CRACD: variants seen among roughly 807,000 people sequenced by gnomAD.
The protein encoded by CRACD is capping protein-inhibiting regulator of actin dynamics.
In CRACD, 56 loss-of-function variants were observed where a neutral mutation model predicts 106.8. The ratio of observed to expected loss-of-function variants is 0.52; its 90% CI spans 0.42 to 0.66. The LOEUF is 0.66. Ranked by LOEUF, CRACD falls within the 30% of genes least tolerant of loss-of-function variation. CRACD has a pLI of 0.00. For missense variants in CRACD, 1,730 were observed against 1,623.2 expected (o/e 1.07, Z -1.13); for synonymous variants, 754 against 670.8 (o/e 1.12, Z -1.92).
At chr4:56,074,298 T>C (rs547799881) in intron 1 of CRACD, among the ~76,000 whole-genome samples, 25 of 152,302 alleles carry the variant, frequency 1.6e-4, no homozygotes, top group Non-Finnish European at 2.9e-4. Context: ...TTTCACGATA[T>C]TGATTCTTCC....
At chr4:56,200,761 TA>T (rs1425063000) in intron 2 of CRACD, among the ~76,000 whole-genome samples, 1 of 152,180 alleles carries the variant, frequency 6.6e-6, no homozygotes, top group Admixed American at 6.5e-5. Flanking sequence ...AAAGTTCGCC[TA>T]AACCCTCTGC....
intron 2 of CRACD, among the ~76,000 whole-genome samples, chr4:56,251,096 A>G (rs1262273122): frequency 6.6e-6 from 1 of 152,194 alleles, no homozygotes; most frequent in African/African-American, 2.4e-5. Context: ...TCTTTTACTT[A>G]ATACCCTGAT....
chr4:56,091,307 C>T (rs2109820507), intron 1 of CRACD, among the ~76,000 whole-genome samples: 1 of 152,000 alleles, frequency 6.6e-6, no homozygotes, highest in South Asian at 2.1e-4. Context: ...TTCAGACACC[C>T]AGAGTGCTGT....
At position 56,316,285 on chromosome 4, in the gene CRACD, C is replaced by G. The variant is rs984566977; in HGVS notation, c.2783C>G (p.Ser928Cys). ...TCCGCTGAACCTTCCAGCAGCCGCT[C>G]TGTTCCTGTGGCCCACCCTGGGCCT... ...RDSAEPSSSR[S>C]VPVAHPGPPP... Residue 928 changes from serine to cysteine, a missense_variant, in exon 8 of 11, where the codon TCT becomes TGT. Ser to Cys is a moderately radical substitution (Grantham distance 112). Coordinates refer to ENST00000682029, the MANE Select transcript of CRACD (RefSeq NM_001393381.1). 3.1e-6 allele frequency: 5 copies of G among 1,614,002 alleles called. No homozygotes were observed. Among genetic ancestry groups the G allele is most frequent in the Non-Finnish European group, 4.2e-6 (5 of 1,179,882 alleles).
chr4:56,057,798 T>TA (rs1732129682), intron 1 of CRACD, among the ~76,000 whole-genome samples: 1 of 109,930 alleles, frequency 9.1e-6, no homozygotes, highest in African/African-American at 4.8e-5. Context: ...TCATTTTTTG[T>TA]ATTTTTTTTT....
intron 1 of CRACD, among the ~76,000 whole-genome samples, chr4:56,096,974 G>A (rs1733619223): frequency 6.6e-6 from 1 of 152,180 alleles, no homozygotes; most frequent in Admixed American, 6.5e-5. Context: ...ATTTGCTAGT[G>A]GTTGCTTAAG....
chr4:56,323,533 A>G lies in CRACD; in HGVS notation c.3344A>G (p.Glu1115Gly). Reference sequence around the variant, plus strand: ...CGGGAGGAGAGAAAGCAAGCCAGAGAGGCCAAACAGGCAGAAAAGCTCTCC... The same window carrying G: ...CGGGAGGAGAGAAAGCAAGCCAGAGGGGCCAAACAGGCAGAAAAGCTCTCC... ...ATREERKQAR[E>G]AKQAEKLSKE... Residue 1115 changes from glutamate (E) to glycine (G), a missense_variant, in exon 9 of 11, where the codon GAG (glutamate) becomes GGG (glycine). This residue lies in a region of CRACD where 1,620 missense variants were observed against 1,481.6 expected (regional missense o/e 1.09). Transcript: ENST00000682029. 1 of 1,589,546 alleles carries G rather than the reference A, an allele frequency of 6.3e-7. No homozygotes were observed. The highest frequency in any genetic ancestry group is 8.5e-7 in the Non-Finnish European group (1 of 1,173,834).
At chr4:56,190,126 A>G (rs1228602141) in intron 2 of CRACD, among the ~76,000 whole-genome samples, 1 of 151,390 alleles carries the variant, frequency 6.6e-6, no homozygotes, top group African/African-American at 2.4e-5. Context: ...AATTTCATCC[A>G]TGTCCCTACA....
intron 2 of CRACD, among the ~76,000 whole-genome samples, chr4:56,247,032 C>T (rs1022286706): frequency 5.3e-5 from 8 of 152,276 alleles, no homozygotes; most frequent in African/African-American, 1.9e-4. Context: ...CTCTCCTGCA[C>T]TTTTATAAGC....
At chr4:56,176,961 G>T (rs1473571271) in intron 1 of CRACD, among the ~76,000 whole-genome samples, 5 of 152,098 alleles carry the variant, frequency 3.3e-5, no homozygotes, top group Admixed American at 3.3e-4. Flanking sequence ...GTTTTTTTTA[G>T]AGCCTTTAGA....
At chr4:56,257,696 G>C (rs541827663) in intron 2 of CRACD, among the ~76,000 whole-genome samples, 22 of 152,232 alleles carry the variant, frequency 1.4e-4, no homozygotes, top group African/African-American at 5.3e-4. Context: ...ACTGTCTCTT[G>C]TGGGGGCAAC....
At chr4:56,141,920 T>G (rs1417087010) in intron 1 of CRACD, among the ~76,000 whole-genome samples, 1 of 151,816 alleles carries the variant, frequency 6.6e-6, no homozygotes, top group African/African-American at 2.4e-5. Context: ...TCTCCATCTC[T>G]TGACCTCAAG....
At chr4:56,212,334 G>A (rs1158385676) in intron 2 of CRACD, among the ~76,000 whole-genome samples, 2 of 152,182 alleles carry the variant, frequency 1.3e-5, no homozygotes, top group Admixed American at 6.5e-5. Flanking sequence ...GAAAACACAT[G>A]AATAATGTAC....
At chr4:56,066,159 G>C (rs892312821) in intron 1 of CRACD, among the ~76,000 whole-genome samples, 4 of 152,140 alleles carry the variant, frequency 2.6e-5, no homozygotes, top group Non-Finnish European at 5.9e-5. Flanking sequence ...AGCTAGTTCT[G>C]AGGATGCTCC....
At chr4:56,114,449 A>G (rs1422465982) in intron 1 of CRACD, among the ~76,000 whole-genome samples, 2 of 152,076 alleles carry the variant, frequency 1.3e-5, no homozygotes, top group Non-Finnish European at 2.9e-5. Context: ...ATGGCTGTGT[A>G]TAGCTGTGAG....
intron 5 of CRACD, 87 bp from the exon 6 acceptor site, chr4:56,310,576 GTGA>G: frequency 1.1e-6 from 1 of 898,900 alleles, no homozygotes; most frequent in Non-Finnish European, 1.9e-6. Flanking sequence ...AGAGGAGGGG[GTGA>G]CCCTACCCAG....
chr4:56,189,528 C>T (rs1054748287), intron 2 of CRACD, among the ~76,000 whole-genome samples: 3 of 144,456 alleles, frequency 2.1e-5, no homozygotes, highest in Admixed American at 6.9e-5. Flanking sequence ...AGGTATATCT[C>T]CTAATGCTAT....
chr4:56,069,165 T>C (rs1436995433), intron 1 of CRACD, among the ~76,000 whole-genome samples: 1 of 152,146 alleles, frequency 6.6e-6, no homozygotes, highest in African/African-American at 2.4e-5. Context: ...ACACCTCGAT[T>C]TCGGACTTTT....
chr4:56,291,458 C>T (rs1237002256), intron 3 of CRACD, among the ~76,000 whole-genome samples: 2 of 152,148 alleles, frequency 1.3e-5, no homozygotes, highest in East Asian at 3.9e-4. Flanking sequence ...CTGAGATCTC[C>T]ACGCAAAGGC....
Sources: gnomAD v4.1 joint callset for allele counts (sites outside exome capture counted in the v4.1 genomes callset) on GRCh38, gnomAD v4.1.1 for gene constraint, gnomAD v4.1.1 regional missense constraint, MANE v1.5 for transcripts, NCBI Gene and HGNC (gene_info 2026-07-23, HGNC 2026-07-21) for gene names.